The following TAF12 variants were observed in gnomAD, a reference collection of about 807,000 sequenced individuals.
TAF12 encodes the protein TATA-box binding protein associated factor 12, also known as transcription initiation factor TFIID subunit 12.
Under a neutral mutation model 20.8 loss-of-function variants are expected in TAF12, and 3 were observed. That is an observed-to-expected ratio of 0.14 (90% confidence interval 0.07 to 0.37). The LOEUF (loss-of-function observed/expected upper bound fraction) is 0.37. Ranked by LOEUF, TAF12 falls within the 10% of genes least tolerant of loss-of-function variation. The pLI, the probability that TAF12 is intolerant of heterozygous loss-of-function variation, is 1.00. For missense variants in TAF12, 131 were observed against 197.9 expected, an observed-to-expected ratio of 0.66 and a Z score of 2.03; for synonymous variants, 69 against 70.2, an observed-to-expected ratio of 0.98 and a Z score of 0.09.
At chr1:28,628,794 C>G (rs1667524425) in intron 1 of TAF12, among the ~76,000 whole-genome samples, 1 of 152,136 alleles carries the variant, frequency 6.6e-6, no homozygotes, top group Non-Finnish European at 1.5e-5. Context: ...CATGTATTGC[C>G]GGATGCGGTG....
chr1:28,611,355 TC>T (rs1666854766), intron 4 of TAF12, among the ~76,000 whole-genome samples: 1 of 152,074 alleles, frequency 6.6e-6, no homozygotes, highest in Non-Finnish European at 1.5e-5. Context: ...TATGAAGCCT[TC>T]CGTTATGGGT....
chr1:28,611,131 G>A lies in TAF12; in HGVS notation c.361+2116C>T, dbSNP rs74455849. Reference sequence around the variant, plus strand: ...AGGTGCTCATGGGATGTTAGTTCTGGGAGCCTTTAGCTGCTTAGCTGCCAC... The same window carrying A: ...AGGTGCTCATGGGATGTTAGTTCTGAGAGCCTTTAGCTGCTTAGCTGCCAC... On this transcript the variant is annotated intron_variant, in intron 4 of 5. Transcript: ENST00000373824. 2.6e-3 allele frequency among the ~76,000 whole-genome samples: 390 copies of A among 152,080 alleles called. 2 individuals carry two copies. Among genetic ancestry groups the A allele is most frequent in the African/African-American group, 8.3e-3 (345 of 41,494 alleles).
At position 28,629,681 on chromosome 1, in the gene TAF12, C is replaced by T. The variant is rs146788780; in HGVS notation, c.-84-7516G>A. 6.6e-3 allele frequency among the ~76,000 whole-genome samples: 1,005 copies of T among 152,178 alleles called. 9 individuals carry two copies. Among genetic ancestry groups the T allele is most frequent in the Non-Finnish European group, 0.01 (697 of 67,982 alleles). On this transcript the variant is annotated intron_variant, in intron 1 of 5. Transcript: ENST00000373824. The stretch of plus-strand genomic sequence containing the variant: ...TTTGCAGAGATAGGTCTTGCTGTTG[C>T]CCAGGCTGGAGTGCAGTGGTGAAAT...
At chr1:28,609,904 T>C (rs1169718705) in intron 4 of TAF12, among the ~76,000 whole-genome samples, 1 of 152,156 alleles carries the variant, frequency 6.6e-6, no homozygotes. Flanking sequence ...CTGTACCCCC[T>C]TCCCCTTAGC....
chr1:28,616,967 A>C lies in TAF12; in HGVS notation c.246+986T>G, dbSNP rs186138987. Among the ~76,000 whole-genome samples the C allele has an allele frequency of 2.9e-3, 435 of 151,428 alleles. 2 individuals are homozygous for C. The highest frequency in any genetic ancestry group is 0.01 in the African/African-American group (425 of 41,244). On this transcript the variant is annotated intron_variant, in intron 3 of 5. Transcript: ENST00000373824. Reference sequence around the variant, plus strand: ...AAACCCCATCTCTACTAAAAATACAAAAATTAGCCAGGTGTGGTGGTGCAT... The same window carrying C: ...AAACCCCATCTCTACTAAAAATACACAAATTAGCCAGGTGTGGTGGTGCAT...
In TAF12 at chr1:28,634,441, A is replaced by T. The variant is rs1480680469; in HGVS notation, c.-85+8551T>A. On this transcript the variant is annotated intron_variant, in intron 1 of 5. Transcript: ENST00000373824. ...AAAAAAAAAAAAAAAAAAAAACCCCACAAAAAACAGGCATTAACTGTGGGA... is the reference window on the plus strand; with the variant it reads ...AAAAAAAAAAAAAAAAAAAAACCCCTCAAAAAACAGGCATTAACTGTGGGA... Among the ~76,000 whole-genome samples, 5 of 148,164 alleles carry T rather than the reference A, an allele frequency of 3.4e-5. No individual in the cohort carries two copies. The East Asian group carries it at 7.9e-4, about 23-fold the overall frequency.
Position 28,633,826 on chromosome 1 carries a change from C to T in TAF12, c.-85+9166G>A, listed in dbSNP as rs1010654832. Among the ~76,000 whole-genome samples, 20 of 150,974 alleles carry T rather than the reference C, an allele frequency of 1.3e-4. No individual in the cohort carries two copies. In the East Asian group the frequency reaches 1.4e-3, roughly 10 times the overall value. On this transcript the variant is annotated intron_variant, in intron 1 of 5. Coordinates refer to ENST00000373824, the MANE Select transcript of TAF12 (RefSeq NM_005644.4). Reference sequence around the variant, plus strand: ...ATTCGGGAGGCTGAGGCAGGAGAATCGCTAGAATCCGGGAGGCGGAGGTTC... The same window carrying T: ...ATTCGGGAGGCTGAGGCAGGAGAATTGCTAGAATCCGGGAGGCGGAGGTTC...
intron 2 of TAF12, among the ~76,000 whole-genome samples, chr1:28,618,350 T>C (rs1479015734): frequency 6.6e-6 from 1 of 152,152 alleles, no homozygotes; most frequent in Non-Finnish European, 1.5e-5. Flanking sequence ...AATTGTACCA[T>C]GCCCCTTGCC....
intron 2 of TAF12, among the ~76,000 whole-genome samples, chr1:28,620,892 C>T (rs529570093): frequency 2.0e-5 from 3 of 152,230 alleles, no homozygotes; most frequent in Admixed American, 6.5e-5. Context: ...TCACCTAATT[C>T]GAGCCTTCAC....
intron 2 of TAF12, among the ~76,000 whole-genome samples, chr1:28,619,030 A>G (rs1470940740): frequency 6.6e-6 from 1 of 151,962 alleles, no homozygotes; most frequent in African/African-American, 2.4e-5. Context: ...CCTGGGGAAC[A>G]CAGGAAGACC....
intron 1 of TAF12, chr1:28,623,826 C>G (rs1219882027): frequency 1.4e-5 from 4 of 285,426 alleles, no homozygotes; most frequent in East Asian, 3.5e-4. Flanking sequence ...TAGTCTGGAG[C>G]AGCTGAGACT....
intron 3 of TAF12, among the ~76,000 whole-genome samples, chr1:28,616,185 T>C (rs575632839): frequency 2.6e-5 from 4 of 151,656 alleles, no homozygotes; most frequent in Admixed American, 1.3e-4. Context: ...TCACTTGAGG[T>C]CAGAAGTTTG....
intron 5 of TAF12, among the ~76,000 whole-genome samples, chr1:28,603,800 G>A (rs187652930): frequency 9.9e-5 from 15 of 152,154 alleles, no homozygotes; most frequent in African/African-American, 3.1e-4. Flanking sequence ...CCACCAAACT[G>A]CTCTAGGCTA....
chr1:28,637,781 A>G (rs754293543), intron 1 of TAF12, among the ~76,000 whole-genome samples: 2 of 152,186 alleles, frequency 1.3e-5, no homozygotes, highest in South Asian at 2.1e-4. Flanking sequence ...CCTGTTTCAC[A>G]GTGCAGCCTG....
intron 1 of TAF12, among the ~76,000 whole-genome samples, chr1:28,629,110 A>C (rs941370715): frequency 6.6e-6 from 1 of 152,158 alleles, no homozygotes; most frequent in Non-Finnish European, 1.5e-5. Context: ...ACAGACATAC[A>C]GTTGTAAATT....
chr1:28,641,526 A>G (rs1668032649), intron 1 of TAF12, among the ~76,000 whole-genome samples: 1 of 151,484 alleles, frequency 6.6e-6, no homozygotes. Flanking sequence ...GGGTGAGGTG[A>G]CTCATGCCTG....
intron 1 of TAF12, among the ~76,000 whole-genome samples, chr1:28,630,921 C>T (rs1458069256): frequency 2.0e-5 from 3 of 151,366 alleles, no homozygotes; most frequent in African/African-American, 7.3e-5. Context: ...TGGTGGGTGC[C>T]TATAATCCCA....
intron 2 of TAF12, among the ~76,000 whole-genome samples, chr1:28,620,566 G>T (rs1400508475): frequency 6.6e-6 from 1 of 152,092 alleles, no homozygotes; most frequent in Non-Finnish European, 1.5e-5. Context: ...CTCCCGAGTA[G>T]CTGGGACTAC....
At chr1:28,627,577 C>T (rs1667452883) in intron 1 of TAF12, among the ~76,000 whole-genome samples, 1 of 145,126 alleles carries the variant, frequency 6.9e-6, no homozygotes, top group South Asian at 2.2e-4. Flanking sequence ...CCTGCAGTCC[C>T]AGCTACTCGG....
Sources: gnomAD v4.1 joint callset for allele counts (sites outside exome capture counted in the v4.1 genomes callset) on GRCh38, gnomAD v4.1.1 for gene constraint, MANE v1.5 for transcripts, NCBI Gene and HGNC (gene_info 2026-07-23, HGNC 2026-07-21) for gene names.